TGM2: variants seen among roughly 807,000 people sequenced by gnomAD.
TGM2 encodes transglutaminase 2, also known as protein-glutamine gamma-glutamyltransferase 2.
TGM2 carries 53 observed loss-of-function variants against 75.6 expected under a neutral mutation model. That is an observed-to-expected ratio of 0.70 (90% CI 0.56 to 0.88). The LOEUF is 0.88. Among genes scored for constraint, TGM2 ranks in the 40% least tolerant of loss-of-function variants. The probability of loss-of-function intolerance (pLI) is 0.00; values close to 1 mark genes in which losing one functional copy is unlikely to be tolerated. For synonymous variants in TGM2, 374 were observed against 381.1 expected, an observed-to-expected ratio of 0.98 and a Z score of 0.22; for missense variants, 842 against 928.5, an observed-to-expected ratio of 0.91 and a Z score of 1.21.
At chr20:38,157,594 CCA>C (rs1235031086) in intron 2 of TGM2, among the ~76,000 whole-genome samples, 1 of 152,240 alleles carries the variant, frequency 6.6e-6, no homozygotes. Context: ...CTTCTCTATG[CCA>C]CAGTTTTCTC....
At chr20:38,157,356 A>G (rs1417588959) in intron 2 of TGM2, among the ~76,000 whole-genome samples, 2 of 152,110 alleles carry the variant, frequency 1.3e-5, no homozygotes, top group African/African-American at 2.4e-5. Flanking sequence ...ATGCTCCCTG[A>G]CTTCCAGAGC....
intron 1 of TGM2, among the ~76,000 whole-genome samples, chr20:38,162,565 A>G (rs968419439): frequency 6.6e-6 from 1 of 152,268 alleles, no homozygotes; most frequent in Non-Finnish European, 1.5e-5. Flanking sequence ...AGAAACTTAA[A>G]CCCGTTGTGA....
At chr20:38,141,437 GC>G in intron 7 of TGM2, 52 bp from the exon 8 acceptor site, 1 of 1,348,674 alleles carries the variant, frequency 7.4e-7, no homozygotes, top group Non-Finnish European at 1.0e-6. Context: ...AACATTCATC[GC>G]CACCTCCCAC....
At chr20:38,150,216 G>A (rs1377672541) in intron 4 of TGM2, among the ~76,000 whole-genome samples, 1 of 152,204 alleles carries the variant, frequency 6.6e-6, no homozygotes, top group Non-Finnish European at 1.5e-5. Flanking sequence ...ACTGGGGAGT[G>A]AGAAACCACG....
chr20:38,131,371 T>C lies in TGM2; in HGVS notation c.1777-142A>G, dbSNP rs572317882. The C allele has an allele frequency of 1.4e-3, 1,728 of 1,204,050 alleles. 5 individuals are homozygous for C. The highest frequency in any genetic ancestry group is 1.9e-3 in the Non-Finnish European group (1,608 of 855,812). 74.6% of individuals were successfully genotyped at this position (1,204,050 alleles called of 1,614,324 possible). On this transcript the variant is annotated intron_variant, in intron 11 of 12. Transcript: ENST00000361475. ...ATCACCCCCCCTCCCCCCACCTCTG[T>C]GCCTCAGTTTCTTCATCGGGAAAAC...
chr20:38,165,518 C>G (rs146499029), upstream of TGM2: 70 of 504,088 alleles, frequency 1.4e-4, no homozygotes, highest in East Asian at 2.5e-3. Flanking sequence ...CCCACAGACT[C>G]AGACCTTGGA....
At chr20:38,131,483 G>T (rs1238558210) in intron 11 of TGM2, among the ~76,000 whole-genome samples, 1 of 151,724 alleles carries the variant, frequency 6.6e-6, no homozygotes. Context: ...TGCCTCCCTT[G>T]TCCCAGGGTC....
intron 6 of TGM2, chr20:38,145,609 T>C (rs2075034298): frequency 6.6e-6 from 1 of 151,888 alleles, no homozygotes; most frequent in Non-Finnish European, 1.5e-5. Context: ...CTCACAACCA[T>C]CCCAGTATAA....
At chr20:38,166,519 C>T (rs2075311104), upstream of TGM2, 3 of 152,224 alleles carry the variant, frequency 2.0e-5, no homozygotes, top group African/African-American at 4.8e-5. Context: ...GAGCCCTGAG[C>T]GGGAAGGGTT....
intron 11 of TGM2, 143 bp downstream of exon 11, chr20:38,132,197 T>A: frequency 1.1e-6 from 1 of 887,104 alleles, no homozygotes; most frequent in Non-Finnish European, 1.8e-6. Flanking sequence ...TTTTCTTCGA[T>A]GAGGCTAGGA....
rs184678783 is a variant in TGM2 at position 38,147,795 on chromosome 20, C to A, written c.681+166G>T. Among the ~76,000 whole-genome samples the A allele has an allele frequency of 7.9e-4, 121 of 152,332 alleles. 1 individual carries two copies. Among genetic ancestry groups the A allele is most frequent in the African/African-American group, 2.7e-3 (112 of 41,572 alleles). ...TGCTCTGGGGGACCCCATAGCATCA[C>A]CCTCATCTGTGCAAATCTTATCTTT... On this transcript the variant is annotated intron_variant, in intron 5 of 12. Transcript: ENST00000361475.
chr20:38,132,268 G>C, intron 11 of TGM2, 72 bp downstream of exon 11: 1 of 1,556,726 alleles, frequency 6.4e-7, no homozygotes, highest in Non-Finnish European at 8.9e-7. Flanking sequence ...GTGTGGGGTG[G>C]GGGTAGGGAT....
chr20:38,163,175 G>A (rs528516206), intron 1 of TGM2, among the ~76,000 whole-genome samples: 2 of 152,292 alleles, frequency 1.3e-5, no homozygotes, highest in Admixed American at 1.3e-4. Context: ...GGTCTTGGGG[G>A]AAAACAAATC....
At chr20:38,157,910 C>T (rs1318994620) in intron 2 of TGM2, among the ~76,000 whole-genome samples, 2 of 152,174 alleles carry the variant, frequency 1.3e-5, no homozygotes, top group South Asian at 2.1e-4. Flanking sequence ...AATAGCAGAT[C>T]GTGAGGACTG....
At position 38,161,502 on chromosome 20, in the gene TGM2, G is replaced by A; in HGVS notation, c.108C>T (p.Gly36=). ...AGTGCAGGGTCAGCCAGAAGGGCTG[G>A]CCCCGTCGCACCACCAGCTTCTCCC... ...LCREKLVVRR[G]QPFWLTLHFE... The change falls in exon 2 of 13, where the codon GGC becomes GGT. Residue 36 remains glycine (G), a synonymous_variant. Coordinates refer to ENST00000361475, the MANE Select transcript of TGM2 (RefSeq NM_004613.4). 6.2e-7 allele frequency: 1 copy of A among 1,614,126 alleles called. No homozygotes were observed. Among genetic ancestry groups the A allele is most frequent in the South Asian group, 1.1e-5 (1 of 91,070 alleles).
At chr20:38,132,763 G>A in intron 10 of TGM2, 1 of 562,492 alleles carries the variant, frequency 1.8e-6, no homozygotes. Context: ...CTTCTAATGG[G>A]TGACCCCGCG....
chr20:38,131,466 T>A (rs2074833332), intron 11 of TGM2, among the ~76,000 whole-genome samples: 1 of 151,368 alleles, frequency 6.6e-6, no homozygotes, highest in African/African-American at 2.4e-5. Context: ...CCAGGGGATG[T>A]CCAAAGTGCC....
At chr20:38,130,395 G>A (rs752872505) in intron 12 of TGM2, 26 bp from the exon 13 acceptor site, 57 of 1,569,804 alleles carry the variant, frequency 3.6e-5, no homozygotes, top group Admixed American at 5.7e-5. Context: ...GGGTGGTGAG[G>A]AAAGGGGCCC....
intron 8 of TGM2, among the ~76,000 whole-genome samples, chr20:38,140,726 G>A (rs2074961626): frequency 6.6e-6 from 1 of 152,172 alleles, no homozygotes; most frequent in South Asian, 2.1e-4. Context: ...AGAAGCATAT[G>A]TTATTATATC....
Sources: allele counts gnomAD v4.1 joint callset (sites outside exome capture counted in the v4.1 genomes callset), GRCh38; gene constraint gnomAD v4.1.1; transcripts MANE v1.5; gene names NCBI Gene and HGNC (gene_info 2026-07-23, HGNC 2026-07-21).